The following MLLT3 variants were observed in gnomAD, a reference collection of about 807,000 sequenced individuals.
MLLT3 encodes MLLT3 super elongation complex subunit.
Under a neutral mutation model 53.2 loss-of-function variants are expected in MLLT3, and 4 were observed. The ratio of observed to expected loss-of-function variants is 0.08; its 90% CI spans 0.04 to 0.17. The LOEUF (loss-of-function observed/expected upper bound fraction) is 0.17, where lower values mean the gene tolerates loss of function less well. Among genes scored for constraint, MLLT3 ranks in the 10% least tolerant of loss-of-function variants. The pLI is 1.00. For missense variants in MLLT3, 569 were observed against 684.0 expected, an observed-to-expected ratio of 0.83 and a Z score of 1.87; for synonymous variants, 283 against 230.6, an observed-to-expected ratio of 1.23 and a Z score of -2.06.
intron 4 of MLLT3, among the ~76,000 whole-genome samples, chr9:20,433,356 T>A (rs760659846): frequency 6.6e-6 from 1 of 152,060 alleles, no homozygotes; most frequent in Non-Finnish European, 1.5e-5. Context: ...TATAACCCAT[T>A]GAAAAAATAT....
intron 10 of MLLT3, among the ~76,000 whole-genome samples, chr9:20,350,323 C>T (rs766371410): frequency 5.9e-5 from 9 of 152,130 alleles, no homozygotes; most frequent in East Asian, 5.8e-4. Flanking sequence ...CGGCCGGGCG[C>T]GGTGGCTCAC....
intron 4 of MLLT3, among the ~76,000 whole-genome samples, chr9:20,419,221 T>G (rs1822948512): frequency 6.6e-6 from 1 of 152,124 alleles, no homozygotes; most frequent in Admixed American, 6.6e-5. Context: ...AAAATTTAAA[T>G]ATTTATATTC....
intron 2 of MLLT3, among the ~76,000 whole-genome samples, chr9:20,574,772 G>T (rs1275520391): frequency 2.0e-5 from 3 of 152,140 alleles, no homozygotes; most frequent in Non-Finnish European, 4.4e-5. Context: ...AATAAAGTTT[G>T]CTGCATGGAT....
At chr9:20,469,605 T>C (rs1435576912) in intron 2 of MLLT3, among the ~76,000 whole-genome samples, 1 of 151,946 alleles carries the variant, frequency 6.6e-6, no homozygotes, top group African/African-American at 2.4e-5. Flanking sequence ...TAGTTGAATC[T>C]TAAAGTCAAA....
intron 2 of MLLT3, among the ~76,000 whole-genome samples, chr9:20,608,189 C>A (rs1820614058): frequency 6.6e-6 from 1 of 151,776 alleles, no homozygotes; most frequent in Non-Finnish European, 1.5e-5. Flanking sequence ...GGAATTGAGT[C>A]TTTTATTTCC....
chr9:20,360,620 C>A (rs1300303414), intron 8 of MLLT3, 122 bp downstream of exon 8: 2 of 756,374 alleles, frequency 2.6e-6, no homozygotes, highest in African/African-American at 3.5e-5. Context: ...GGCCTCCCTC[C>A]CATCTATTTG....
intron 5 of MLLT3, among the ~76,000 whole-genome samples, chr9:20,379,591 T>G (rs977715504): frequency 3.9e-5 from 6 of 152,126 alleles, no homozygotes; most frequent in African/African-American, 1.4e-4. Context: ...TCTGTTTTTA[T>G]TTACTTAATT....
In MLLT3 at chr9:20,363,612, A is replaced by G; in HGVS notation, c.1202-7T>C. The G allele has an allele frequency of 4.3e-6, 7 of 1,612,820 alleles. No individual in the cohort carries two copies. Among genetic ancestry groups the G allele is most frequent in the Non-Finnish European group, 5.9e-6 (7 of 1,179,764 alleles). ...ATTATAGACCTCAAAGGACCTGAGT[A>G]ATGACAATGAACCACAGGCAATCAA... On this transcript the variant is annotated splice_region_variant and splice_polypyrimidine_tract_variant and intron_variant, in intron 6 of 10. Transcript: ENST00000380338.
intron 2 of MLLT3, among the ~76,000 whole-genome samples, chr9:20,584,146 A>G (rs1819884309): frequency 6.6e-6 from 1 of 152,232 alleles, no homozygotes; most frequent in South Asian, 2.1e-4. Flanking sequence ...TCTCTAAGGC[A>G]GGGCAAAACG....
intron 4 of MLLT3, among the ~76,000 whole-genome samples, chr9:20,435,165 A>G (rs186471813): frequency 6.6e-6 from 1 of 152,246 alleles, no homozygotes; most frequent in Admixed American, 6.5e-5. Flanking sequence ...CTGAAAGCAC[A>G]TGAGGGCGGC....
chr9:20,550,532 G>T (rs1240579389), intron 2 of MLLT3, among the ~76,000 whole-genome samples: 1 of 152,054 alleles, frequency 6.6e-6, no homozygotes, highest in Non-Finnish European at 1.5e-5. Flanking sequence ...CCAGACTCAA[G>T]TGATCCTCCC....
intron 3 of MLLT3, among the ~76,000 whole-genome samples, chr9:20,450,613 C>T (rs571570515): frequency 6.6e-6 from 1 of 152,180 alleles, no homozygotes; most frequent in African/African-American, 2.4e-5. Context: ...AATGTCCTCC[C>T]TCCCAGCATA....
At chr9:20,352,710 T>TAAAAAAAA (rs59397349) in intron 10 of MLLT3, among the ~76,000 whole-genome samples, 1 of 116,772 alleles carries the variant, frequency 8.6e-6, no homozygotes, top group Non-Finnish European at 1.8e-5. Flanking sequence ...CATTAAATGT[T>TAAAAAAAA]AAAAAAAAAA....
chr9:20,622,146 T>C (rs1821037259), intron 1 of MLLT3, 99 bp downstream of exon 1: 1 of 1,342,986 alleles, frequency 7.4e-7, no homozygotes, highest in Non-Finnish European at 1.0e-6. Flanking sequence ...CTTTCTCTAA[T>C]TGGAACCGCG....
intron 2 of MLLT3, among the ~76,000 whole-genome samples, chr9:20,609,444 G>C (rs761077173): frequency 8.5e-5 from 13 of 152,070 alleles, no homozygotes; most frequent in Non-Finnish European, 1.8e-4. Flanking sequence ...TACATGGGCA[G>C]TCCTCAATTA....
intron 2 of MLLT3, among the ~76,000 whole-genome samples, chr9:20,495,351 A>G (rs1392506972): frequency 6.6e-6 from 1 of 152,220 alleles, no homozygotes; most frequent in Non-Finnish European, 1.5e-5. Context: ...GCATTTAACA[A>G]GATGCCCAGG....
At chr9:20,458,140 C>G (rs1317215015) in intron 2 of MLLT3, among the ~76,000 whole-genome samples, 1 of 152,208 alleles carries the variant, frequency 6.6e-6, no homozygotes, top group Non-Finnish European at 1.5e-5. Flanking sequence ...CTACTTTCTT[C>G]ACAAGATCTT....
At chr9:20,586,542 T>C (rs1326269780) in intron 2 of MLLT3, among the ~76,000 whole-genome samples, 1 of 152,114 alleles carries the variant, frequency 6.6e-6, no homozygotes, top group Non-Finnish European at 1.5e-5. Context: ...TAAGTTCAAC[T>C]AACCTGCTGA....
At chr9:20,479,422 GGAAAATGGGT>G (rs1346306979) in intron 2 of MLLT3, among the ~76,000 whole-genome samples, 1 of 152,048 alleles carries the variant, frequency 6.6e-6, no homozygotes. Context: ...ATAGCAAGAG[GGAAAATGGGT>G]GATTTCCTTT....
Sources: gnomAD v4.1 joint callset for allele counts (sites outside exome capture counted in the v4.1 genomes callset) on GRCh38, gnomAD v4.1.1 for gene constraint, MANE v1.5 for transcripts, NCBI Gene and HGNC (gene_info 2026-07-23, HGNC 2026-07-21) for gene names.